The following KAT2B variants were observed in gnomAD, a reference collection of about 807,000 sequenced individuals.
The protein encoded by KAT2B is histone acetyltransferase KAT2B.
A neutral mutation model predicts 105.9 loss-of-function variants in KAT2B; 36 were observed. The observed-to-expected ratio is 0.34, with a 90% CI of 0.26 to 0.45. The LOEUF (loss-of-function observed/expected upper bound fraction) is 0.45. Ranked by LOEUF, KAT2B falls within the 20% of genes least tolerant of loss-of-function variation. The pLI, the probability that KAT2B is intolerant of heterozygous loss-of-function variation, is 1.00. For missense variants in KAT2B, 820 were observed against 1,021.6 expected (o/e 0.80, Z 2.69); for synonymous variants, 397 against 377.9 (o/e 1.05, Z -0.59).
intron 17 of KAT2B, among the ~76,000 whole-genome samples, chr3:20,151,769 ATTC>A (rs1411359284): frequency 1.3e-5 from 2 of 152,162 alleles, no homozygotes; most frequent in Non-Finnish European, 2.9e-5. Flanking sequence ...GAAGTTTGTT[ATTC>A]TTATTTCATT....
intron 9 of KAT2B, among the ~76,000 whole-genome samples, chr3:20,123,595 C>T (rs1045252498): frequency 3.3e-5 from 5 of 152,118 alleles, no homozygotes; most frequent in African/African-American, 7.2e-5. Flanking sequence ...AATATAAAAC[C>T]GTATTTAAAT....
chr3:20,059,729 A>AG (rs1451872565), intron 1 of KAT2B, among the ~76,000 whole-genome samples: 1 of 152,154 alleles, frequency 6.6e-6, no homozygotes, highest in Non-Finnish European at 1.5e-5. Flanking sequence ...AACAAAAAAA[A>AG]CTTTACTGAG....
rs1699894732 is a variant in KAT2B, at chr3:20,152,982, A to G, written c.*457A>G. Reference sequence around the variant, plus strand: ...AGGAAGGGATACATGATTTTAAAAAAGCCTGTAAGAGGTGAAATATGTGAT... The same window carrying G: ...AGGAAGGGATACATGATTTTAAAAAGGCCTGTAAGAGGTGAAATATGTGAT... On this transcript the variant is annotated 3_prime_UTR_variant, in exon 18 of 18. Transcript: ENST00000263754. 6.5e-6 allele frequency: 1 copy of G among 153,170 alleles called. No individual in the cohort carries two copies. Among genetic ancestry groups the G allele is most frequent in the Admixed American group, 6.5e-5 (1 of 15,346 alleles). 9.5% of individuals were successfully genotyped at this position (153,170 alleles called of 1,614,324 possible).
chr3:20,069,497 A>T (rs1015299773), intron 1 of KAT2B, among the ~76,000 whole-genome samples: 1 of 149,028 alleles, frequency 6.7e-6, no homozygotes, highest in Non-Finnish European at 1.5e-5. Flanking sequence ...AGGGGAGGGC[A>T]GAGAGCTTTT....
intron 11 of KAT2B, among the ~76,000 whole-genome samples, chr3:20,128,719 T>C (rs780072771): frequency 1.2e-4 from 19 of 152,174 alleles, no homozygotes; most frequent in Non-Finnish European, 2.4e-4. Context: ...TAGAATGTTA[T>C]TCATTTAGGG....
At chr3:20,138,101 A>G (rs371398561) in intron 12 of KAT2B, among the ~76,000 whole-genome samples, 2 of 152,224 alleles carry the variant, frequency 1.3e-5, no homozygotes, top group South Asian at 4.1e-4. Flanking sequence ...CTATAAAAGT[A>G]ATGTGTAATC....
At chr3:20,101,152 A>G in intron 4 of KAT2B, 135 bp from the exon 5 acceptor site, 2 of 683,602 alleles carry the variant, frequency 2.9e-6, no homozygotes, top group Non-Finnish European at 4.8e-6. Flanking sequence ...TCTTTTAGGG[A>G]AAAGGAAGAG....
chr3:20,150,711 A>G (rs1293052055), intron 17 of KAT2B, among the ~76,000 whole-genome samples: 2 of 152,248 alleles, frequency 1.3e-5, no homozygotes, highest in Non-Finnish European at 2.9e-5. Context: ...GGAAGTATTC[A>G]GAATTGGTTA....
At chr3:20,110,752 T>C (rs1022880592) in intron 5 of KAT2B, among the ~76,000 whole-genome samples, 3 of 151,968 alleles carry the variant, frequency 2.0e-5, no homozygotes, top group Non-Finnish European at 4.4e-5. Context: ...CCACTGTATG[T>C]TGGCCGAATG....
intron 6 of KAT2B, 48 bp downstream of exon 6, chr3:20,111,835 T>G: frequency 6.8e-7 from 1 of 1,462,072 alleles, no homozygotes; most frequent in Non-Finnish European, 9.4e-7. Context: ...GAGCTTGAGG[T>G]TGCTAAATAC....
At chr3:20,091,149 G>T (rs1388968362) in intron 2 of KAT2B, among the ~76,000 whole-genome samples, 1 of 152,122 alleles carries the variant, frequency 6.6e-6, no homozygotes, top group Non-Finnish European at 1.5e-5. Flanking sequence ...CATGATGGAA[G>T]ATTTTTTATT....
At chr3:20,044,106 C>T (rs943048948) in intron 1 of KAT2B, among the ~76,000 whole-genome samples, 3 of 151,232 alleles carry the variant, frequency 2.0e-5, no homozygotes, top group Non-Finnish European at 4.4e-5. Flanking sequence ...AACAAACAAA[C>T]TTGTTTCGCA....
intron 1 of KAT2B, among the ~76,000 whole-genome samples, chr3:20,056,345 T>C (rs536268003): frequency 9.8e-4 from 150 of 152,296 alleles, no homozygotes; most frequent in Non-Finnish European, 1.3e-3. Flanking sequence ...AGCAACTGAA[T>C]GGATGGTAGT....
intron 14 of KAT2B, 128 bp downstream of exon 14, chr3:20,146,558 CT>C (rs1699786874): frequency 3.3e-6 from 2 of 604,522 alleles, no homozygotes; most frequent in Non-Finnish European, 5.9e-6. Context: ...TATCTCTAGT[CT>C]TTTAAGAAGG....
chr3:20,100,326 GA>G (rs148599940), intron 4 of KAT2B, among the ~76,000 whole-genome samples: 120 of 152,166 alleles, frequency 7.9e-4, no homozygotes, highest in South Asian at 4.6e-3. Flanking sequence ...GAGGTGAGGG[GA>G]TTTAGTAGCA....
chr3:20,099,406 C>G (rs1698868955), intron 3 of KAT2B, among the ~76,000 whole-genome samples: 2 of 152,208 alleles, frequency 1.3e-5, no homozygotes, highest in African/African-American at 2.4e-5. Flanking sequence ...AGATCTTGGT[C>G]TCTCACGTCT....
intron 1 of KAT2B, among the ~76,000 whole-genome samples, chr3:20,054,284 A>G (rs1697967471): frequency 6.6e-6 from 1 of 151,902 alleles, no homozygotes; most frequent in Non-Finnish European, 1.5e-5. Context: ...GTCTGCCACC[A>G]TACGCAGCTA....
intron 1 of KAT2B, 103 bp from the exon 2 acceptor site, chr3:20,072,230 G>A: frequency 2.5e-6 from 3 of 1,197,854 alleles, no homozygotes; most frequent in Non-Finnish European, 3.7e-6. Context: ...TCAGGGGTGA[G>A]GGGATAGCTG....
At chr3:20,058,349 G>T (rs1165747354) in intron 1 of KAT2B, among the ~76,000 whole-genome samples, 1 of 151,544 alleles carries the variant, frequency 6.6e-6, no homozygotes, top group Non-Finnish European at 1.5e-5. Context: ...CAGCTACTCG[G>T]GAGGCTGAGG....
Sources: allele counts gnomAD v4.1 joint callset (sites outside exome capture counted in the v4.1 genomes callset), GRCh38; gene constraint gnomAD v4.1.1; transcripts MANE v1.5; gene names NCBI Gene and HGNC (gene_info 2026-07-23, HGNC 2026-07-21).